Variants in STON2 observed in about 807,000 individuals in gnomAD.
STON2 encodes stonin-2.
Under a neutral mutation model 65.7 loss-of-function variants are expected in STON2, and 29 were observed. The ratio of observed to expected loss-of-function variants is 0.44; its 90% CI spans 0.33 to 0.60. STON2 has a LOEUF of 0.60. STON2 is among the 20% of genes least tolerant of loss of function. The pLI, the probability that STON2 is intolerant of heterozygous loss-of-function variation, is 0.03. For missense variants in STON2, 1,054 were observed against 1,118.1 expected (o/e 0.94, Z 0.82); for synonymous variants, 404 against 414.2 (o/e 0.98, Z 0.30).
intron 3 of STON2, among the ~76,000 whole-genome samples, chr14:81,390,521 G>A (rs61986598): frequency 0.29 from 44,202 of 152,054 alleles, 6,797 homozygotes; most frequent in South Asian, 0.38. Context: ...CTGGGATCGC[G>A]CCACTGCACT....
At chr14:81,370,085 G>A (rs1259359362) in intron 4 of STON2, among the ~76,000 whole-genome samples, 1 of 152,194 alleles carries the variant, frequency 6.6e-6, no homozygotes, top group Non-Finnish European at 1.5e-5. Flanking sequence ...GAAGCCTTCA[G>A]TCTACAAGAC....
In STON2 at chr14:81,268,739, C is replaced by T. The variant is rs2140094929; in HGVS notation, c.2785-242G>A. On this transcript the variant is annotated intron_variant, in intron 7 of 7. Coordinates refer to ENST00000614646, the MANE Select transcript of STON2 (RefSeq NM_001394390.1). ...CCACCAGGAAAATTCTTATTCTTTG[C>T]CTTGTACATTTGGTCAAAGATCACC... The T allele has an allele frequency of 5.4e-6, 4 of 747,390 alleles. No homozygotes were observed. The South Asian group carries it at 2.4e-4, about 45-fold the overall frequency. 46.3% of individuals were successfully genotyped at this position (747,390 alleles called of 1,614,324 possible).
intron 3 of STON2, chr14:81,394,999 C>G (rs1157420891): frequency 6.6e-6 from 1 of 152,166 alleles, no homozygotes; most frequent in Non-Finnish European, 1.5e-5. Flanking sequence ...TACTTCAGTG[C>G]ACAATAAAGA....
intron 5 of STON2, among the ~76,000 whole-genome samples, chr14:81,298,424 G>GGGA (rs200117715): frequency 0.066 from 9,525 of 145,178 alleles, 338 homozygotes; most frequent in Middle Eastern, 0.091. Context: ...TGGGGGGGGG[G>GGGA]AATCACAGAA....
intron 7 of STON2, chr14:81,268,752 G>A: frequency 3.3e-6 from 2 of 599,198 alleles, no homozygotes; most frequent in Non-Finnish European, 4.2e-6. Context: ...TGTACATTTG[G>A]TCAAAGATCA....
At chr14:81,310,296 G>A (rs1206864688) in intron 5 of STON2, among the ~76,000 whole-genome samples, 1 of 152,182 alleles carries the variant, frequency 6.6e-6, no homozygotes, top group African/African-American at 2.4e-5. Flanking sequence ...TCATTGCCAG[G>A]AGAGCTGCCT....
At chr14:81,395,756 C>T (rs1039174248) in intron 3 of STON2, 138 bp downstream of exon 3, 21 of 818,192 alleles carry the variant, frequency 2.6e-5, no homozygotes, top group East Asian at 9.8e-5. Flanking sequence ...ATGAGAACTC[C>T]GTCTGCTCTC....
At chr14:81,381,961 T>C (rs1899542182) in intron 3 of STON2, among the ~76,000 whole-genome samples, 1 of 152,196 alleles carries the variant, frequency 6.6e-6, no homozygotes, top group African/African-American at 2.4e-5. Flanking sequence ...GGCTCACACC[T>C]GTAATCCCAG....
rs1894175502 is a variant in STON2 at position 81,262,161 on chromosome 14, G to A, written c.*6253C>T. 2.0e-6 allele frequency: 2 copies of A among 985,050 alleles called. No homozygotes were observed. The highest frequency in any genetic ancestry group is 2.4e-6 in the Non-Finnish European group (2 of 829,770). The allele number at this position is 985,050 out of a possible 1,614,324, so 61.0% of individuals were successfully genotyped here. A position where few individuals can be genotyped will look rare whatever the true frequency, so the allele number is the denominator to read the frequency against. ...CAACTTCCTCACTTTTTTGTCTCAG[G>A]AAACTGAAGCCCAATTGGGAAAACA... is the stretch of plus-strand genomic sequence containing the variant. On this transcript the variant is annotated 3_prime_UTR_variant, in exon 8 of 8. Transcript: ENST00000614646.
At chr14:81,403,846 G>A (rs1043857563), upstream of STON2, among the ~76,000 whole-genome samples, 1 of 152,104 alleles carries the variant, frequency 6.6e-6, no homozygotes, top group Admixed American at 6.6e-5. Flanking sequence ...CTTCCAATAA[G>A]TAAAGTACCA....
intron 5 of STON2, 56 bp from the exon 6 acceptor site, chr14:81,278,795 A>G: frequency 7.4e-7 from 1 of 1,357,722 alleles, no homozygotes; most frequent in South Asian, 1.6e-5. Context: ...GAGGTAAGGA[A>G]AACTGAAGTA....
At chr14:81,370,101 G>A (rs1418000651) in intron 4 of STON2, among the ~76,000 whole-genome samples, 1 of 152,102 alleles carries the variant, frequency 6.6e-6, no homozygotes, top group Non-Finnish European at 1.5e-5. Flanking sequence ...AAGACAGATC[G>A]CTCTCTATAC....
In STON2 at chr14:81,422,993, C is replaced by A. The variant is rs558811892; in HGVS notation, c.-199+4109G>T. Among the ~76,000 whole-genome samples, 27 of 151,858 alleles carry A rather than the reference C, an allele frequency of 1.8e-4. No individual in the cohort carries two copies. In the East Asian group the frequency reaches 5.2e-3, roughly 30 times the overall value. On this transcript the variant is annotated intron_variant, in intron 2 of 8. Transcript: ENST00000553821. ...GAGGTTGCAGTGAGCCAAGATGGCA[C>A]CACCGCACTCCAGCCTGGGAGACAG...
At chr14:81,397,257 A>G (rs1444162098) in intron 2 of STON2, among the ~76,000 whole-genome samples, 2 of 152,190 alleles carry the variant, frequency 1.3e-5, no homozygotes, top group Non-Finnish European at 2.9e-5. Context: ...CAAAGCCTCT[A>G]CAGCACGTCA....
intron 5 of STON2, among the ~76,000 whole-genome samples, chr14:81,287,323 T>C (rs1895373663): frequency 6.6e-6 from 1 of 152,182 alleles, no homozygotes; most frequent in African/African-American, 2.4e-5. Flanking sequence ...GATAAGTGTA[T>C]TCATCTGTCT....
chr14:81,268,700 C>T, intron 7 of STON2: 1 of 935,788 alleles, frequency 1.1e-6, no homozygotes, highest in Non-Finnish European at 1.3e-6. Flanking sequence ...CTGTAATTCC[C>T]TTTCCCTCAT....
intron 2 of STON2, among the ~76,000 whole-genome samples, chr14:81,413,688 G>A (rs571394217): frequency 1.4e-5 from 2 of 138,408 alleles, no homozygotes; most frequent in Non-Finnish European, 3.0e-5. Flanking sequence ...CCCAGCTACT[G>A]GGGAGGCTGA....
chr14:81,357,090 A>T (rs1298160258), intron 4 of STON2, among the ~76,000 whole-genome samples: 4 of 152,130 alleles, frequency 2.6e-5, no homozygotes, highest in Non-Finnish European at 4.4e-5. Context: ...AGCAAAAGAA[A>T]CTACCATCAG....
intron 3 of STON2, among the ~76,000 whole-genome samples, chr14:81,379,499 T>C (rs1899412973): frequency 6.6e-6 from 1 of 152,204 alleles, no homozygotes; most frequent in Non-Finnish European, 1.5e-5. Flanking sequence ...CAAACTGGTT[T>C]ATAAATTTAC....
Sources: allele counts gnomAD v4.1 joint callset (sites outside exome capture counted in the v4.1 genomes callset), GRCh38; gene constraint gnomAD v4.1.1; transcripts MANE v1.5; gene names NCBI Gene and HGNC (gene_info 2026-07-23, HGNC 2026-07-21).